CTNND2: variants seen among roughly 807,000 people sequenced by gnomAD.
CTNND2 encodes catenin delta-2.
CTNND2 carries 22 observed loss-of-function variants against 144.4 expected under a neutral mutation model. That is an observed-to-expected ratio of 0.15 (90% CI 0.11 to 0.22). CTNND2 has a LOEUF of 0.22. Ranked by LOEUF, CTNND2 falls within the 10% of genes least tolerant of loss-of-function variation. CTNND2 has a pLI of 1.00. For synonymous variants in CTNND2, 751 were observed against 695.6 expected, an observed-to-expected ratio of 1.08 and a Z score of -1.25; for missense variants, 1,353 against 1,618.8, an observed-to-expected ratio of 0.84 and a Z score of 2.82.
intron 3 of CTNND2, among the ~76,000 whole-genome samples, chr5:11,431,537 T>C (rs1051173973): frequency 1.3e-5 from 2 of 152,194 alleles, no homozygotes; most frequent in Non-Finnish European, 2.9e-5. Flanking sequence ...GTAGATTCCC[T>C]TCATATGACC....
rs780920780 is a variant in CTNND2 at position 11,364,730 on chromosome 5, C to T, written c.1338G>A (p.Pro446=). Reference sequence around the variant, plus strand: ...TGCGGTAGGTGCCGGTGTGTGCTGGCGGCAGAGGGTCCCCCTGGCTCTGGC... The same window carrying T: ...TGCGGTAGGTGCCGGTGTGTGCTGGTGGCAGAGGGTCCCCCTGGCTCTGGC... ...SLSQSQGDPL[P]PAHTGTYRTS... Residue 446 remains proline (P), a synonymous_variant, in exon 8 of 22, where the codon CCG becomes CCA. Transcript: ENST00000304623. The T allele has an allele frequency of 1.2e-5, 20 of 1,613,558 alleles. No individual in the cohort carries two copies. Among genetic ancestry groups the T allele is most frequent in the South Asian group, 9.9e-5 (9 of 91,016 alleles).
Position 10,985,075 on chromosome 5 carries a change from A to AAAATAAATAAAT in CTNND2, c.3343+3024_3343+3035dup, listed in dbSNP as rs10599114. 4.5e-3 allele frequency among the ~76,000 whole-genome samples: 661 copies of AAAATAAATAAAT among 148,042 alleles called. 13 individuals carry two copies. Among genetic ancestry groups the AAAATAAATAAAT allele is most frequent in the Non-Finnish European group, 2.1e-3 (144 of 67,182 alleles). On this transcript the variant is annotated intron_variant, in intron 20 of 21. Transcript: ENST00000304623. ...GGCGACACAGTGAAACTCCGTCTCA[A>AAAATAAATAAAT]AAATAAATAAATAAATAAATAAATA...
intron 5 of CTNND2, among the ~76,000 whole-genome samples, chr5:11,405,906 T>C (rs1761058475): frequency 6.6e-6 from 1 of 152,134 alleles, no homozygotes. Flanking sequence ...CCCAGCACTT[T>C]GGGAGGCCAA....
At chr5:11,392,244 T>C (rs1293227254) in intron 6 of CTNND2, among the ~76,000 whole-genome samples, 1 of 152,166 alleles carries the variant, frequency 6.6e-6, no homozygotes, top group Admixed American at 6.5e-5. Context: ...TTACCTCCCT[T>C]TAAAGAAAAC....
At chr5:11,133,649 G>A (rs1237455354) in intron 12 of CTNND2, among the ~76,000 whole-genome samples, 1 of 152,170 alleles carries the variant, frequency 6.6e-6, no homozygotes, top group Non-Finnish European at 1.5e-5. Context: ...ACCACGCCTG[G>A]CCTATTCTTA....
Position 11,090,088 on chromosome 5 carries a change from C to G in CTNND2, c.2638-7242G>C, listed in dbSNP as rs1580255570. ...GTGTGTTCTAAAGCCAAACAAATCC[C>G]TTCATTCTGAGGCCCCTGGTGTGGT... On this transcript the variant is annotated intron_variant, in intron 15 of 21. Coordinates refer to ENST00000304623, the MANE Select transcript of CTNND2 (RefSeq NM_001332.4). Among the ~76,000 whole-genome samples the G allele has an allele frequency of 4.6e-5, 7 of 152,322 alleles. No individual in the cohort carries two copies. The South Asian group carries it at 1.4e-3, about 32-fold the overall frequency.
chr5:11,513,877 G>C (rs1432023300), intron 3 of CTNND2, among the ~76,000 whole-genome samples: 1 of 152,052 alleles, frequency 6.6e-6, no homozygotes, highest in Non-Finnish European at 1.5e-5. Flanking sequence ...TATAATAATA[G>C]GAAGTATATA....
At chr5:11,219,863 C>A (rs749728978) in intron 10 of CTNND2, among the ~76,000 whole-genome samples, 1 of 152,160 alleles carries the variant, frequency 6.6e-6, no homozygotes, top group East Asian at 1.9e-4. Flanking sequence ...TGACAGAGTT[C>A]TTTCTTCTGT....
At chr5:11,749,362 G>C (rs1255607243) in intron 1 of CTNND2, among the ~76,000 whole-genome samples, 1 of 152,008 alleles carries the variant, frequency 6.6e-6, no homozygotes, top group Non-Finnish European at 1.5e-5. Context: ...AGGTGTTTTT[G>C]AGGGTCATTA....
At chr5:11,538,329 T>C (rs952411547) in intron 3 of CTNND2, among the ~76,000 whole-genome samples, 12 of 152,158 alleles carry the variant, frequency 7.9e-5, no homozygotes, top group Non-Finnish European at 1.8e-4. Context: ...CCTCTGCTTG[T>C]TGTGGAATAA....
At chr5:11,585,242 A>C (rs1778755741) in intron 2 of CTNND2, among the ~76,000 whole-genome samples, 2 of 152,226 alleles carry the variant, frequency 1.3e-5, no homozygotes, top group Non-Finnish European at 2.9e-5. Context: ...CAGAGTAAGA[A>C]GGGTGTTGGA....
At chr5:11,021,819 T>A (rs1413708970) in intron 17 of CTNND2, among the ~76,000 whole-genome samples, 2 of 135,924 alleles carry the variant, frequency 1.5e-5, no homozygotes, top group South Asian at 2.5e-4. Context: ...GAATGGGGGG[T>A]GGGGGTGGCT....
At chr5:11,299,835 G>C (rs1047178775) in intron 9 of CTNND2, among the ~76,000 whole-genome samples, 2 of 152,184 alleles carry the variant, frequency 1.3e-5, no homozygotes, top group African/African-American at 4.8e-5. Context: ...CCTTCAGACT[G>C]CTCGGATCCT....
intron 8 of CTNND2, among the ~76,000 whole-genome samples, chr5:11,348,744 AAAG>A (rs1455907546): frequency 1.3e-5 from 2 of 152,062 alleles, no homozygotes; most frequent in African/African-American, 2.4e-5. Context: ...CCATGAATTA[AAAG>A]AAAATATAAC....
At chr5:11,714,263 C>T (rs1786214244) in intron 2 of CTNND2, among the ~76,000 whole-genome samples, 1 of 152,110 alleles carries the variant, frequency 6.6e-6, no homozygotes, top group South Asian at 2.1e-4. Context: ...AAACAAATGC[C>T]TCAACACCTC....
chr5:11,278,611 G>A (rs1316347639), intron 9 of CTNND2, among the ~76,000 whole-genome samples: 1 of 152,208 alleles, frequency 6.6e-6, no homozygotes, highest in South Asian at 2.1e-4. Context: ...GACATGAGAG[G>A]AGACAGGGGG....
chr5:11,170,940 T>C (rs141965444), intron 11 of CTNND2, among the ~76,000 whole-genome samples: 139 of 152,244 alleles, frequency 9.1e-4, no homozygotes, highest in African/African-American at 3.3e-3. Context: ...CTGCCCTTTA[T>C]AAAACCATCA....
intron 6 of CTNND2, among the ~76,000 whole-genome samples, chr5:11,393,455 C>T (rs930470902): frequency 6.6e-6 from 1 of 152,128 alleles, no homozygotes; most frequent in African/African-American, 2.4e-5. Context: ...GGACAAAATG[C>T]TTGGTGAAAC....
chr5:11,230,285 T>A (rs550054045), intron 10 of CTNND2, among the ~76,000 whole-genome samples: 4 of 149,946 alleles, frequency 2.7e-5, no homozygotes, highest in African/African-American at 9.8e-5. Context: ...AGTTAGTGGG[T>A]GCAGCGCACC....
Sources: gnomAD v4.1 joint callset for allele counts (sites outside exome capture counted in the v4.1 genomes callset) on GRCh38, gnomAD v4.1.1 for gene constraint, MANE v1.5 for transcripts, NCBI Gene and HGNC (gene_info 2026-07-23, HGNC 2026-07-21) for gene names.